Variants in PARP11 observed in about 807,000 individuals in gnomAD.
PARP11 encodes the protein protein mono-ADP-ribosyltransferase PARP11.
Under a neutral mutation model 42.9 loss-of-function variants are expected in PARP11, and 31 were observed. The observed-to-expected ratio is 0.72, with a 90% confidence interval of 0.54 to 0.98. The LOEUF is 0.98. Among genes scored for constraint, PARP11 ranks in the 50% least tolerant of loss-of-function variants. The pLI, the probability that PARP11 is intolerant of heterozygous loss-of-function variation, is 0.00. For missense variants in PARP11, 365 were observed against 413.1 expected (o/e 0.88, Z 1.01); for synonymous variants, 137 against 127.3 (o/e 1.08, Z -0.51).
intron 6 of PARP11, among the ~76,000 whole-genome samples, chr12:3,816,077 T>C (rs1372155590): frequency 6.6e-6 from 1 of 152,230 alleles, no homozygotes; most frequent in African/African-American, 2.4e-5. Flanking sequence ...TTAGCAAATG[T>C]TTACTTTACA....
rs558153627 is a variant in PARP11 at position 3,851,599 on chromosome 12, T to C, written c.19-21581A>G. Among the ~76,000 whole-genome samples, 45 of 152,254 alleles carry C rather than the reference T, an allele frequency of 3.0e-4. 1 individual carries two copies. Among genetic ancestry groups the C allele is most frequent in the Middle Eastern group, 6.8e-3 (2 of 294 alleles). On this transcript the variant is annotated intron_variant, in intron 1 of 7. Coordinates refer to ENST00000228820, the MANE Select transcript of PARP11 (RefSeq NM_020367.6). ...CTGAGGCTTGAGTAGGTAAACAAAG[T>C]GGCCAGGAAGCTTGAACTGGGTGGA...
intron 6 of PARP11, among the ~76,000 whole-genome samples, chr12:3,819,647 C>T (rs751182739): frequency 1.1e-4 from 17 of 152,206 alleles, no homozygotes; most frequent in Non-Finnish European, 2.4e-4. Flanking sequence ...CACTCTCTTG[C>T]TTAAAGTTCT....
chr12:3,813,085 G>A (rs931619151), intron 7 of PARP11, among the ~76,000 whole-genome samples: 2 of 152,220 alleles, frequency 1.3e-5, no homozygotes, highest in African/African-American at 2.4e-5. Context: ...GATTACAGGC[G>A]TGAGCCACCA....
At chr12:3,839,673 T>G (rs992888826) in intron 1 of PARP11, 26 of 966,698 alleles carry the variant, frequency 2.7e-5, no homozygotes, top group Non-Finnish European at 4.2e-5. Flanking sequence ...TGGAACCTAA[T>G]GTTTCTCCTT....
At chr12:3,822,538 G>T (rs1947420408) in intron 4 of PARP11, among the ~76,000 whole-genome samples, 1 of 149,012 alleles carries the variant, frequency 6.7e-6, no homozygotes. Flanking sequence ...GGCGGAGCTT[G>T]CAGTGAGCCG....
chr12:3,822,520 A>G (rs951781431), intron 4 of PARP11, among the ~76,000 whole-genome samples: 1 of 147,672 alleles, frequency 6.8e-6, no homozygotes, highest in Non-Finnish European at 1.5e-5. Context: ...AATGGCGTGA[A>G]CCCGGGAGGC....
Position 3,810,728 on chromosome 12 carries a change from AAGAGAAAG to A in PARP11, c.*1387_*1394del, listed in dbSNP as rs1163828562. On this transcript the variant is annotated 3_prime_UTR_variant, in exon 8 of 8. Transcript: ENST00000228820. Reference sequence around the variant, plus strand: ...AGAGAGAGAAGAGAAGAGAAAGAGAAAGAGAAAGAGGAAGAGAAAAAGGAAGAGAGAGA... The same window carrying A: ...AGAGAGAGAAGAGAAGAGAAAGAGAAAGGAAGAGAAAAAGGAAGAGAGAGA... 2.7e-5 allele frequency: 4 copies of A among 149,560 alleles called. No homozygotes were observed. The highest frequency in any genetic ancestry group is 4.5e-5 in the Non-Finnish European group (3 of 67,274). 9.3% of individuals were successfully genotyped at this position (149,560 alleles called of 1,614,324 possible). A position where few individuals can be genotyped will look rare whatever the true frequency, so the allele number is the denominator to read the frequency against.
chr12:3,848,527 C>A (rs962313128), intron 1 of PARP11, among the ~76,000 whole-genome samples: 1 of 152,116 alleles, frequency 6.6e-6, no homozygotes, highest in African/African-American at 2.4e-5. Context: ...CTCATTTCAA[C>A]AAAGTCACCA....
At position 3,841,674 on chromosome 12, in the gene PARP11, G is replaced by T. The variant is rs1947891066; in HGVS notation, c.19-11656C>A. 3 of 1,613,406 alleles carry T rather than the reference G, an allele frequency of 1.9e-6. No individual in the cohort carries two copies. In the South Asian group the frequency reaches 3.3e-5, roughly 18 times the overall value. ...ATTATGAAGAGTCACTGAGTGGCAA[G>T]AATATGTTCCCCCAGCCATCTTTTG... On this transcript the variant is annotated intron_variant, in intron 1 of 7. Coordinates refer to ENST00000228820, the MANE Select transcript of PARP11 (RefSeq NM_020367.6).
chr12:3,820,515 A>G (rs1947371236), intron 6 of PARP11, among the ~76,000 whole-genome samples: 1 of 152,166 alleles, frequency 6.6e-6, no homozygotes, highest in Non-Finnish European at 1.5e-5. Flanking sequence ...AACTGTTCCC[A>G]TTGGAATTCT....
chr12:3,853,184 C>G (rs1948128565), intron 1 of PARP11, among the ~76,000 whole-genome samples: 1 of 152,106 alleles, frequency 6.6e-6, no homozygotes, highest in Non-Finnish European at 1.5e-5. Flanking sequence ...AAAAACATGC[C>G]AAACTGTAAA....
intron 1 of PARP11, among the ~76,000 whole-genome samples, chr12:3,856,781 T>C (rs1363620668): frequency 1.3e-5 from 2 of 152,200 alleles, no homozygotes; most frequent in Non-Finnish European, 2.9e-5. Flanking sequence ...TTACTGGGTA[T>C]ATACCCAAAG....
At chr12:3,823,703 C>T (rs559049028) in intron 4 of PARP11, among the ~76,000 whole-genome samples, 2 of 152,246 alleles carry the variant, frequency 1.3e-5, no homozygotes, top group South Asian at 2.1e-4. Flanking sequence ...ATTGCCTGAG[C>T]TTAGGAGTTC....
At chr12:3,835,642 G>A (rs1947745938) in intron 1 of PARP11, among the ~76,000 whole-genome samples, 1 of 152,118 alleles carries the variant, frequency 6.6e-6, no homozygotes, top group African/African-American at 2.4e-5. Context: ...CAGGTTAAGG[G>A]AAATTATGAT....
chr12:3,822,887 G>T (rs150612292), intron 4 of PARP11, among the ~76,000 whole-genome samples: 4 of 152,196 alleles, frequency 2.6e-5, no homozygotes, highest in Admixed American at 2.0e-4. Context: ...CCATTCATTC[G>T]ATGTTCTCCA....
At chr12:3,824,631 GC>G in intron 4 of PARP11, 1 of 984,230 alleles carries the variant, frequency 1.0e-6, no homozygotes, top group South Asian at 4.7e-5. Flanking sequence ...CCTCCATTCT[GC>G]TTAGTTCTCT....
chr12:3,873,337 G>A lies in PARP11; in HGVS notation c.-108C>T. ...GGGTCCCCGGGAGCGAAGGGACGGA[G>A]ATGCAACCTTTACGAAGGCCTTCCT... On this transcript the variant is annotated 5_prime_UTR_variant, in exon 1 of 8. Transcript: ENST00000228820. 1 of 1,059,064 alleles carries A rather than the reference G, an allele frequency of 9.4e-7. No individual in the cohort carries two copies. Among genetic ancestry groups the A allele is most frequent in the Non-Finnish European group, 1.4e-6 (1 of 700,272 alleles). The allele number at this position is 1,059,064 out of a possible 1,614,324, so 65.6% of individuals were successfully genotyped here.
chr12:3,845,873 A>G (rs1318934831), intron 1 of PARP11, among the ~76,000 whole-genome samples: 1 of 152,204 alleles, frequency 6.6e-6, no homozygotes, highest in Non-Finnish European at 1.5e-5. Context: ...GAGTGGGTGC[A>G]TGTCTTAATG....
intron 1 of PARP11, among the ~76,000 whole-genome samples, chr12:3,833,124 A>G (rs533168905): frequency 1.3e-5 from 2 of 152,224 alleles, no homozygotes; most frequent in Non-Finnish European, 2.9e-5. Context: ...TTACTACAAC[A>G]AAGTATAATT....
Sources: gnomAD v4.1 joint callset for allele counts (sites outside exome capture counted in the v4.1 genomes callset) on GRCh38, gnomAD v4.1.1 for gene constraint, MANE v1.5 for transcripts, NCBI Gene and HGNC (gene_info 2026-07-23, HGNC 2026-07-21) for gene names.